NRXN1: variants seen among roughly 807,000 people sequenced by gnomAD.
NRXN1 encodes the protein neurexin-1.
Under a neutral mutation model 150.9 loss-of-function variants are expected in NRXN1, and 39 were observed. The ratio of observed to expected loss-of-function variants is 0.26; its 90% confidence interval spans 0.20 to 0.34. The LOEUF (loss-of-function observed/expected upper bound fraction) is 0.34. Ranked by LOEUF, NRXN1 falls within the 10% of genes least tolerant of loss-of-function variation. NRXN1 has a pLI of 1.00. For synonymous variants in NRXN1, 924 were observed against 757.0 expected, an observed-to-expected ratio of 1.22 and a Z score of -3.62; for missense variants, 1,815 against 1,949.9, an observed-to-expected ratio of 0.93 and a Z score of 1.30.
intron 17 of NRXN1, among the ~76,000 whole-genome samples, chr2:50,332,360 T>C (rs1366372730): frequency 6.6e-6 from 1 of 152,204 alleles, no homozygotes; most frequent in African/African-American, 2.4e-5. Context: ...AAAACCACAC[T>C]TTCTGTCCTC....
intron 21 of NRXN1, among the ~76,000 whole-genome samples, chr2:49,984,067 T>A (rs984154833): frequency 1.3e-5 from 2 of 151,940 alleles, no homozygotes; most frequent in African/African-American, 4.8e-5. Flanking sequence ...CTCAGGAAGC[T>A]GAAGTGGGAA....
intron 17 of NRXN1, among the ~76,000 whole-genome samples, chr2:50,329,987 T>A (rs1486512001): frequency 6.6e-6 from 1 of 151,928 alleles, no homozygotes; most frequent in East Asian, 1.9e-4. Context: ...TTATAAAATT[T>A]TTAATGGAAA....
intron 2 of NRXN1, among the ~76,000 whole-genome samples, chr2:50,986,495 G>GA (rs1470644445): frequency 6.6e-6 from 1 of 151,558 alleles, no homozygotes; most frequent in Non-Finnish European, 1.5e-5. Context: ...ATACTGCGCA[G>GA]ATTTTTTTTT....
intron 9 of NRXN1, among the ~76,000 whole-genome samples, chr2:50,547,030 GA>G (rs1314781465): frequency 6.6e-6 from 1 of 152,160 alleles, no homozygotes; most frequent in Non-Finnish European, 1.5e-5. Flanking sequence ...TAGATAGCTA[GA>G]AAGTGCTGTT....
chr2:50,431,568 A>C (rs887366975), intron 17 of NRXN1, among the ~76,000 whole-genome samples: 2 of 152,186 alleles, frequency 1.3e-5, no homozygotes, highest in Non-Finnish European at 2.9e-5. Context: ...TTAAATTTAA[A>C]AGTATTTCAC....
At chr2:50,335,322 C>T (rs905890748) in intron 17 of NRXN1, among the ~76,000 whole-genome samples, 5 of 152,196 alleles carry the variant, frequency 3.3e-5, no homozygotes, top group South Asian at 2.1e-4. Flanking sequence ...CTAAGGTATA[C>T]GCATCAAAAT....
At chr2:50,840,876 C>T (rs530438029) in intron 5 of NRXN1, among the ~76,000 whole-genome samples, 25 of 152,232 alleles carry the variant, frequency 1.6e-4, no homozygotes, top group Admixed American at 1.2e-3. Flanking sequence ...TTTCTACAGG[C>T]AGGTTGTCAG....
intron 2 of NRXN1, among the ~76,000 whole-genome samples, chr2:50,976,521 C>A (rs182139200): frequency 6.6e-6 from 1 of 152,042 alleles, no homozygotes; most frequent in East Asian, 1.9e-4. Flanking sequence ...ACAACTTAAA[C>A]ACATGAAATG....
At chr2:50,599,978 G>T (rs1573731824) in intron 8 of NRXN1, among the ~76,000 whole-genome samples, 2 of 152,182 alleles carry the variant, frequency 1.3e-5, no homozygotes, top group Middle Eastern at 6.8e-3. Flanking sequence ...AAAGCAAATT[G>T]ATTGCTTATA....
intron 5 of NRXN1, among the ~76,000 whole-genome samples, chr2:50,715,665 T>G (rs1695772630): frequency 6.6e-6 from 1 of 152,180 alleles, no homozygotes; most frequent in African/African-American, 2.4e-5. Context: ...CCCCATCTTG[T>G]GCATTCTTGC....
chr2:50,924,722 CT>C (rs1686602993), intron 3 of NRXN1, among the ~76,000 whole-genome samples: 1 of 151,604 alleles, frequency 6.6e-6, no homozygotes, highest in African/African-American at 2.4e-5. Flanking sequence ...TTTATGATTT[CT>C]TTTAAAGTTT....
At chr2:50,490,938 C>T (rs949082715) in intron 15 of NRXN1, among the ~76,000 whole-genome samples, 13 of 152,052 alleles carry the variant, frequency 8.5e-5, no homozygotes, top group African/African-American at 3.1e-4. Flanking sequence ...AAATCTCTTT[C>T]CCTTATATAG....
At chr2:50,107,445 C>T (rs981827690) in intron 18 of NRXN1, among the ~76,000 whole-genome samples, 3 of 149,794 alleles carry the variant, frequency 2.0e-5, no homozygotes, top group Non-Finnish European at 3.0e-5. Context: ...AAAATTATTA[C>T]TATTCTTCCA....
chr2:50,141,767 C>T (rs1052155170), intron 18 of NRXN1, among the ~76,000 whole-genome samples: 1 of 152,038 alleles, frequency 6.6e-6, no homozygotes, highest in Non-Finnish European at 1.5e-5. Context: ...GATATCCTTA[C>T]CCCCGTTAGA....
intron 2 of NRXN1, among the ~76,000 whole-genome samples, chr2:50,955,366 G>C (rs1692113885): frequency 6.6e-6 from 1 of 152,178 alleles, no homozygotes; most frequent in Admixed American, 6.5e-5. Context: ...ACAGAGGAGT[G>C]AGTTAAATTC....
Position 50,623,633 on chromosome 2 carries a change from A to T in NRXN1, c.833-18T>A, listed in dbSNP as rs1680451646. Reference sequence around the variant, plus strand: ...TTCTTTTCCTAGAGGAAAACAGATGATACATACATAAGTAAACAAATACAC... The same window carrying T: ...TTCTTTTCCTAGAGGAAAACAGATGTTACATACATAAGTAAACAAATACAC... On this transcript the variant is annotated intron_variant, in intron 5 of 22. Transcript: ENST00000401669. 1.9e-6 allele frequency: 3 copies of T among 1,574,778 alleles called. No homozygotes were observed.
At chr2:50,901,606 C>G (rs1000672258) in intron 5 of NRXN1, among the ~76,000 whole-genome samples, 2 of 152,110 alleles carry the variant, frequency 1.3e-5, no homozygotes, top group Admixed American at 6.5e-5. Context: ...ACCTGGCGTT[C>G]TGGTACAAAG....
intron 19 of NRXN1, among the ~76,000 whole-genome samples, chr2:50,063,546 A>G (rs1356580432): frequency 7.5e-6 from 1 of 133,302 alleles, no homozygotes; most frequent in East Asian, 2.2e-4. Context: ...CCACCTCAAC[A>G]GACACACACA....
intron 2 of NRXN1, among the ~76,000 whole-genome samples, chr2:51,020,656 T>C (rs930832224): frequency 6.6e-6 from 1 of 151,982 alleles, no homozygotes; most frequent in African/African-American, 2.4e-5. Flanking sequence ...TGGCATTAGT[T>C]CACAATATAT....
Sources: gnomAD v4.1 joint callset for allele counts (sites outside exome capture counted in the v4.1 genomes callset) on GRCh38, gnomAD v4.1.1 for gene constraint, MANE v1.5 for transcripts, NCBI Gene and HGNC (gene_info 2026-07-23, HGNC 2026-07-21) for gene names.